The following ANKRD12 variants were observed in gnomAD, a reference collection of about 807,000 sequenced individuals.
ANKRD12 encodes the protein ankyrin repeat domain 12, also known as ankyrin repeat domain-containing protein 12.
ANKRD12 carries 85 observed loss-of-function variants against 183.4 expected under a neutral mutation model. That is an observed-to-expected ratio of 0.46 (90% CI 0.39 to 0.56). The LOEUF is 0.56. Ranked by LOEUF, ANKRD12 falls within the 20% of genes least tolerant of loss-of-function variation. The pLI, the probability that ANKRD12 is intolerant of heterozygous loss-of-function variation, is 0.00. For synonymous variants in ANKRD12, 914 were observed against 800.2 expected, an observed-to-expected ratio of 1.14 and a Z score of -2.40; for missense variants, 2,405 against 2,357.1, an observed-to-expected ratio of 1.02 and a Z score of -0.42.
At chr18:9,141,640 G>A (rs2078319249) in intron 1 of ANKRD12, among the ~76,000 whole-genome samples, 1 of 151,838 alleles carries the variant, frequency 6.6e-6, no homozygotes, top group Non-Finnish European at 1.5e-5. Flanking sequence ...CTTTTTCTTT[G>A]GCTTTAAAAA....
At position 9,255,990 on chromosome 18, in the gene ANKRD12, A is replaced by C; in HGVS notation, c.2723A>C (p.Asp908Ala). The C allele has an allele frequency of 6.4e-7, 1 of 1,568,148 alleles. No individual in the cohort carries two copies. The highest frequency in any genetic ancestry group is 8.6e-7 in the Non-Finnish European group (1 of 1,165,968). ...DDREKSREKMDRKHDKEKPEK... is the reference protein window; with the variant it reads ...DDREKSREKMARKHDKEKPEK... ...AGAGAGAAAAGTAGAGAAAAGATGG[A>C]TAGGAAACATGACAAAGAAAAGCCT... Residue 908 changes from aspartate (D) to alanine (A), a missense_variant, in exon 9 of 13, where the codon GAT becomes GCT. Physicochemically the swap from Asp to Ala is moderately radical, Grantham distance 126. This residue lies in a region of ANKRD12 where 1,983 missense variants were observed against 1,725.9 expected (regional missense o/e 1.15). Transcript: ENST00000262126.
At chr18:9,168,798 T>C (rs570184413) in intron 1 of ANKRD12, among the ~76,000 whole-genome samples, 1 of 152,320 alleles carries the variant, frequency 6.6e-6, no homozygotes, top group Admixed American at 6.5e-5. Flanking sequence ...TCTAGTTCTT[T>C]TAATTGTGAT....
intron 10 of ANKRD12, among the ~76,000 whole-genome samples, chr18:9,269,142 C>G (rs1418008376): frequency 6.6e-6 from 1 of 152,312 alleles, no homozygotes; most frequent in Non-Finnish European, 1.5e-5. Context: ...AATAGAAGAA[C>G]ATTCCAAGCT....
At position 9,284,469 on chromosome 18, in the gene ANKRD12, CA is replaced by C. The variant is rs2040180663; in HGVS notation, c.*3345del. 1 of 152,028 alleles carries C rather than the reference CA, an allele frequency of 6.6e-6. No homozygotes were observed. Among genetic ancestry groups the C allele is most frequent in the Admixed American group, 6.5e-5 (1 of 15,270 alleles). 9.4% of individuals were successfully genotyped at this position (152,028 alleles called of 1,614,324 possible). A position where few individuals can be genotyped will look rare whatever the true frequency, so the allele number is the denominator to read the frequency against. ...TAGAAGAAATTGACTCTGTAAAACG[CA>C]ATGAAATAGTCCTCTTTTTAAACAG... On this transcript the variant is annotated 3_prime_UTR_variant, in exon 13 of 13. Transcript: ENST00000262126.
intron 3 of ANKRD12, among the ~76,000 whole-genome samples, chr18:9,201,442 A>T (rs1470966552): frequency 1.3e-5 from 2 of 152,206 alleles, no homozygotes; most frequent in East Asian, 3.8e-4. Flanking sequence ...TTCTTTTGTT[A>T]TGAAAAATGC....
At chr18:9,147,450 A>G (rs1292077238) in intron 1 of ANKRD12, among the ~76,000 whole-genome samples, 1 of 152,180 alleles carries the variant, frequency 6.6e-6, no homozygotes, top group Non-Finnish European at 1.5e-5. Flanking sequence ...AAAATAAAAT[A>G]CAAAAAAATT....
chr18:9,166,348 G>A (rs936446682), intron 1 of ANKRD12, among the ~76,000 whole-genome samples: 14 of 151,692 alleles, frequency 9.2e-5, no homozygotes, highest in African/African-American at 3.4e-4. Flanking sequence ...CAGTGTAAAA[G>A]TGTTCCTGTT....
At chr18:9,164,404 T>C (rs2031810502) in intron 1 of ANKRD12, among the ~76,000 whole-genome samples, 1 of 152,138 alleles carries the variant, frequency 6.6e-6, no homozygotes, top group Non-Finnish European at 1.5e-5. Context: ...TCTCCTTCAG[T>C]TCAGCTCTGA....
intron 1 of ANKRD12, among the ~76,000 whole-genome samples, chr18:9,143,231 C>G (rs1303685132): frequency 6.6e-6 from 1 of 152,090 alleles, no homozygotes; most frequent in Non-Finnish European, 1.5e-5. Context: ...AAGTTGTTGC[C>G]AGAATATCTC....
intron 9 of ANKRD12, chr18:9,259,815 T>C (rs2038862805): frequency 6.6e-6 from 1 of 152,192 alleles, no homozygotes; most frequent in Non-Finnish European, 1.5e-5. Flanking sequence ...TTAATTCATT[T>C]CCCATCTCTG....
chr18:9,139,291 T>C (rs1367739346), intron 1 of ANKRD12, among the ~76,000 whole-genome samples: 1 of 152,204 alleles, frequency 6.6e-6, no homozygotes, highest in East Asian at 1.9e-4. Context: ...TAGAATGAGT[T>C]TAAAAGGAAG....
chr18:9,253,452 G>T (rs2038416882), intron 8 of ANKRD12, among the ~76,000 whole-genome samples: 1 of 152,136 alleles, frequency 6.6e-6, no homozygotes, highest in Non-Finnish European at 1.5e-5. Context: ...TAGTGTGTCT[G>T]GCTTATTTCA....
chr18:9,256,383 TAAA>T lies in ANKRD12; in HGVS notation c.3117_3119del (p.Asn1040del). The T allele has an allele frequency of 6.2e-7, 1 of 1,605,562 alleles. No homozygotes were observed. The highest frequency in any genetic ancestry group is 8.5e-7 in the Non-Finnish European group (1 of 1,177,314). ...GACAAACATAAAGATAAAATTCAAA[TAAA>T]TAGCTTACTCAAACTAAAATCTGAA... On this transcript the variant is annotated inframe_deletion, in exon 9 of 13. Transcript: ENST00000262126.
chr18:9,224,499 A>G (rs1470962596), intron 8 of ANKRD12, among the ~76,000 whole-genome samples: 1 of 152,208 alleles, frequency 6.6e-6, no homozygotes, highest in Admixed American at 6.5e-5. Context: ...TAACACAGTA[A>G]TTAACATACA....
chr18:9,226,292 G>C (rs368912862), intron 8 of ANKRD12, among the ~76,000 whole-genome samples: 1 of 152,048 alleles, frequency 6.6e-6, no homozygotes, highest in African/African-American at 2.4e-5. Flanking sequence ...GGGCGTGGTG[G>C]TGCGTGCCTG....
intron 11 of ANKRD12, among the ~76,000 whole-genome samples, chr18:9,276,733 C>CT (rs1381743756): frequency 4.6e-5 from 7 of 151,594 alleles, no homozygotes; most frequent in Middle Eastern, 3.4e-3. Context: ...AAAAAAAAAA[C>CT]TTTAAGTCTC....
chr18:9,216,950 TCAACC>T, intron 7 of ANKRD12, 50 bp downstream of exon 7: 1 of 1,555,200 alleles, frequency 6.4e-7, no homozygotes, highest in Non-Finnish European at 8.8e-7. Context: ...AAATATAAAT[TCAACC>T]CAAAGTAATT....
At chr18:9,157,141 A>G (rs4798778) in intron 1 of ANKRD12, among the ~76,000 whole-genome samples, 78,693 of 152,130 alleles carry the variant, frequency 0.52, 22,823 homozygotes, top group South Asian at 0.75. Context: ...TCCCAACTAA[A>G]CAATAGTTGA....
intron 8 of ANKRD12, among the ~76,000 whole-genome samples, chr18:9,250,956 T>C (rs1346555191): frequency 6.6e-6 from 1 of 152,194 alleles, no homozygotes; most frequent in Non-Finnish European, 1.5e-5. Flanking sequence ...AGTCCAGGAA[T>C]ATCCAGGTTA....
Sources: allele counts gnomAD v4.1 joint callset (sites outside exome capture counted in the v4.1 genomes callset), GRCh38; gene constraint gnomAD v4.1.1; regional missense constraint gnomAD v4.1.1; transcripts MANE v1.5; gene names NCBI Gene and HGNC (gene_info 2026-07-23, HGNC 2026-07-21).